NIPAL3: variants seen among roughly 807,000 people sequenced by gnomAD.
NIPAL3 encodes NIPA-like protein 3.
NIPAL3 carries 41 observed loss-of-function variants against 47.2 expected under a neutral mutation model. The ratio of observed to expected loss-of-function variants is 0.87; its 90% CI spans 0.68 to 1.13. The LOEUF (loss-of-function observed/expected upper bound fraction) is 1.13, where lower values mean the gene tolerates loss of function less well. NIPAL3 is among the 50% of genes most tolerant of loss of function. NIPAL3 has a pLI of 0.00. For missense variants in NIPAL3, 449 were observed against 530.1 expected (o/e 0.85, Z 1.50); for synonymous variants, 194 against 209.6 (o/e 0.93, Z 0.64).
At chr1:24,435,977 C>T (rs1244028938) in intron 2 of NIPAL3, among the ~76,000 whole-genome samples, 14 of 152,218 alleles carry the variant, frequency 9.2e-5, no homozygotes, top group Admixed American at 8.5e-4. Flanking sequence ...GACGGCACTT[C>T]CTCTCTCTGT....
At chr1:24,463,474 G>T (rs1280723791) in intron 10 of NIPAL3, among the ~76,000 whole-genome samples, 1 of 152,090 alleles carries the variant, frequency 6.6e-6, no homozygotes, top group African/African-American at 2.4e-5. Context: ...GACATCTAGG[G>T]TTTGTGCATT....
chr1:24,426,206 T>A (rs989712192), intron 2 of NIPAL3, among the ~76,000 whole-genome samples: 6 of 152,152 alleles, frequency 3.9e-5, no homozygotes, highest in African/African-American at 4.8e-5. Context: ...ATTGAGAGAC[T>A]GCAGCATGGG....
At chr1:24,450,973 C>T (rs781544557) in intron 6 of NIPAL3, among the ~76,000 whole-genome samples, 6 of 152,228 alleles carry the variant, frequency 3.9e-5, no homozygotes, top group Non-Finnish European at 7.3e-5. Flanking sequence ...TTGGGCAAAG[C>T]GTTACCCCAG....
At chr1:24,435,397 T>C (rs1645053481) in intron 2 of NIPAL3, among the ~76,000 whole-genome samples, 1 of 152,258 alleles carries the variant, frequency 6.6e-6, no homozygotes. Flanking sequence ...GTGGCTTCTT[T>C]TGTGTTAAAT....
intron 9 of NIPAL3, among the ~76,000 whole-genome samples, chr1:24,459,858 T>C (rs993039145): frequency 2.6e-5 from 4 of 152,094 alleles, no homozygotes; most frequent in African/African-American, 9.7e-5. Flanking sequence ...AGAACAGAAG[T>C]CAAGGCAGGG....
chr1:24,450,428 G>A (rs1645881153), intron 6 of NIPAL3, among the ~76,000 whole-genome samples: 3 of 152,104 alleles, frequency 2.0e-5, no homozygotes, highest in Admixed American at 6.5e-5. Context: ...AGGAGACACG[G>A]GAAATTTTGT....
At chr1:24,448,570 A>G (rs1344875502) in intron 5 of NIPAL3, among the ~76,000 whole-genome samples, 9 of 152,146 alleles carry the variant, frequency 5.9e-5, no homozygotes, top group African/African-American at 4.8e-5. Context: ...TAGTTTGCCC[A>G]TAAAGTGATT....
chr1:24,468,183 C>T (rs1002559046), intron 11 of NIPAL3, among the ~76,000 whole-genome samples: 1 of 152,028 alleles, frequency 6.6e-6, no homozygotes, highest in African/African-American at 2.4e-5. Flanking sequence ...GGCATGGTGG[C>T]ATGCACCTGT....
chr1:24,447,918 T>C (rs1161692244), intron 5 of NIPAL3, among the ~76,000 whole-genome samples: 1 of 152,234 alleles, frequency 6.6e-6, no homozygotes, highest in South Asian at 2.1e-4. Context: ...AATATGGCTG[T>C]TTTACCTGGA....
In NIPAL3 at chr1:24,472,200, C is replaced by G. The variant is rs561371378; in HGVS notation, c.*3015C>G. ...TGGAGCAGTGGCATCATCCCACCAA[C>G]CTGAGCCATGAAAGGGCTGAGCAGA... On this transcript the variant is annotated 3_prime_UTR_variant, in exon 12 of 12. Transcript: ENST00000374399. 1.3e-5 allele frequency: 2 copies of G among 152,320 alleles called. No individual in the cohort carries two copies. Among genetic ancestry groups the G allele is most frequent in the Admixed American group, 6.5e-5 (1 of 15,288 alleles). 9.4% of individuals were successfully genotyped at this position (152,320 alleles called of 1,614,324 possible).
chr1:24,467,784 C>T (rs547033948), intron 11 of NIPAL3, among the ~76,000 whole-genome samples: 170 of 151,920 alleles, frequency 1.1e-3, no homozygotes, highest in African/African-American at 3.9e-3. Context: ...ATCCCAGCTA[C>T]TTGGGTGACT....
chr1:24,459,494 G>T (rs1408774477), intron 9 of NIPAL3, among the ~76,000 whole-genome samples: 1 of 152,144 alleles, frequency 6.6e-6, no homozygotes, highest in South Asian at 2.1e-4. Context: ...GGCCTCAGAG[G>T]CTGCAATCAT....
At chr1:24,460,835 G>A (rs766252512) in intron 10 of NIPAL3, among the ~76,000 whole-genome samples, 2 of 152,162 alleles carry the variant, frequency 1.3e-5, no homozygotes, top group Non-Finnish European at 2.9e-5. Flanking sequence ...AGCTACATGA[G>A]ATACCATCAT....
intron 3 of NIPAL3, among the ~76,000 whole-genome samples, chr1:24,440,726 C>A (rs1645341903): frequency 6.6e-6 from 1 of 152,142 alleles, no homozygotes; most frequent in Non-Finnish European, 1.5e-5. Context: ...ATGGGGGCAC[C>A]AAGGAGCTGG....
intron 8 of NIPAL3, among the ~76,000 whole-genome samples, chr1:24,456,581 T>C (rs1353039872): frequency 6.6e-6 from 1 of 152,070 alleles, no homozygotes; most frequent in Non-Finnish European, 1.5e-5. Flanking sequence ...TGAAACCCCG[T>C]CTTTACTAAA....
chr1:24,428,352 T>C (rs1644725019), intron 2 of NIPAL3, among the ~76,000 whole-genome samples: 1 of 151,064 alleles, frequency 6.6e-6, no homozygotes, highest in Non-Finnish European at 1.5e-5. Context: ...AATATTACTC[T>C]AATTTTCTTC....
chr1:24,425,267 G>A (rs1453907811), intron 2 of NIPAL3, among the ~76,000 whole-genome samples: 1 of 152,130 alleles, frequency 6.6e-6, no homozygotes, highest in African/African-American at 2.4e-5. Flanking sequence ...TTTGAATGCA[G>A]CCCAACACAA....
At chr1:24,461,293 G>A (rs976225210) in intron 10 of NIPAL3, among the ~76,000 whole-genome samples, 1 of 152,174 alleles carries the variant, frequency 6.6e-6, no homozygotes, top group Non-Finnish European at 1.5e-5. Flanking sequence ...TGTAATCCCA[G>A]CACTTTGGAA....
Position 24,416,378 on chromosome 1 carries a change from C to G in NIPAL3, c.-258+474C>G. 1.0e-6 allele frequency: 1 copy of G among 971,310 alleles called. No individual in the cohort carries two copies. 60.2% of individuals were successfully genotyped at this position (971,310 alleles called of 1,614,324 possible). A position where few individuals can be genotyped will look rare whatever the true frequency, so the allele number is the denominator to read the frequency against. ...CAAAGCCGAGGAACGGGAAGCTTGG[C>G]AGGGAACTGGCGCTCACCTCCAGAA... On this transcript the variant is annotated intron_variant, in intron 1 of 11. Coordinates refer to ENST00000374399, the MANE Select transcript of NIPAL3 (RefSeq NM_020448.5). The surrounding 1 kb of genome is among the most constrained non-coding windows in gnomAD (Gnocchi z 4.8).
Sources: gnomAD v4.1 joint callset for allele counts (sites outside exome capture counted in the v4.1 genomes callset) on GRCh38, gnomAD v4.1.1 for gene constraint, Gnocchi (gnomAD v3.1) non-coding constraint, MANE v1.5 for transcripts, NCBI Gene and HGNC (gene_info 2026-07-23, HGNC 2026-07-21) for gene names.